CSGALNACT1: variants seen among roughly 807,000 people sequenced by gnomAD.
CSGALNACT1 encodes beta4GalNAcT-1.
In CSGALNACT1, 52 loss-of-function variants were observed where a neutral mutation model predicts 51.0. The ratio of observed to expected loss-of-function variants is 1.02; its 90% CI spans 0.82 to 1.29. The LOEUF (loss-of-function observed/expected upper bound fraction) is 1.29. CSGALNACT1 is among the 50% of genes most tolerant of loss of function. The pLI is 0.00. For missense variants in CSGALNACT1, 935 were observed against 679.2 expected (o/e 1.38, Z -4.19); for synonymous variants, 341 against 254.4 (o/e 1.34, Z -3.24).
intron 3 of CSGALNACT1, among the ~76,000 whole-genome samples, chr8:19,557,976 C>A (rs912642396): frequency 1.3e-5 from 2 of 152,256 alleles, no homozygotes; most frequent in Admixed American, 6.5e-5. Context: ...AAAATGAAAA[C>A]ATAAACAAGT....
intron 1 of CSGALNACT1, among the ~76,000 whole-genome samples, chr8:19,624,976 C>A (rs1304923550): frequency 6.6e-6 from 1 of 152,332 alleles, no homozygotes; most frequent in East Asian, 1.9e-4. Flanking sequence ...TGCACCCAGC[C>A]GGTTTCACCA....
At chr8:19,453,876 C>T (rs919545880) in intron 5 of CSGALNACT1, among the ~76,000 whole-genome samples, 3 of 145,488 alleles carry the variant, frequency 2.1e-5, no homozygotes, top group Admixed American at 1.4e-4. Context: ...TGTGCCACTG[C>T]ACTCCAGCCT....
intron 3 of CSGALNACT1, among the ~76,000 whole-genome samples, chr8:19,559,217 A>C (rs372935860): frequency 6.6e-6 from 1 of 152,206 alleles, no homozygotes; most frequent in Admixed American, 6.5e-5. Context: ...CCAGTAATAT[A>C]TATCATGACC....
At chr8:19,516,359 T>C (rs896135307) in intron 3 of CSGALNACT1, among the ~76,000 whole-genome samples, 1 of 152,150 alleles carries the variant, frequency 6.6e-6, no homozygotes, top group Non-Finnish European at 1.5e-5. Flanking sequence ...CCCACTACGC[T>C]ATACTGTTCA....
intron 1 of CSGALNACT1, among the ~76,000 whole-genome samples, chr8:19,738,568 T>C (rs1323615882): frequency 6.6e-6 from 1 of 152,136 alleles, no homozygotes; most frequent in Non-Finnish European, 1.5e-5. Flanking sequence ...GATGGTTACA[T>C]AACAACATGA....
intron 1 of CSGALNACT1, among the ~76,000 whole-genome samples, chr8:19,622,305 G>C (rs967520810): frequency 6.6e-6 from 1 of 152,132 alleles, no homozygotes; most frequent in Non-Finnish European, 1.5e-5. Context: ...GTAATTCCAA[G>C]CACTATCTTT....
intron 1 of CSGALNACT1, among the ~76,000 whole-genome samples, chr8:19,740,962 T>C (rs1449031738): frequency 1.3e-5 from 2 of 152,124 alleles, no homozygotes; most frequent in African/African-American, 4.8e-5. Flanking sequence ...CAAGATAATA[T>C]CTAAACTCCA....
intron 3 of CSGALNACT1, among the ~76,000 whole-genome samples, chr8:19,508,247 G>A (rs2077757249): frequency 6.6e-6 from 1 of 152,184 alleles, no homozygotes; most frequent in African/African-American, 2.4e-5. Context: ...ATATTCACTT[G>A]CTATGCACTA....
chr8:19,494,327 C>A lies in CSGALNACT1; in HGVS notation c.634+10874G>T, dbSNP rs200753929. Among the ~76,000 whole-genome samples, 15 of 152,260 alleles carry A rather than the reference C, an allele frequency of 9.9e-5. No individual in the cohort carries two copies. In the East Asian group the frequency reaches 2.9e-3, roughly 29 times the overall value. On this transcript the variant is annotated intron_variant, in intron 4 of 9. Transcript: ENST00000454498. The stretch of plus-strand genomic sequence containing the variant: ...CTCCACAACACACACACATCTTTGG[C>A]CTACACCAATTCTACACATCTTGCA...
chr8:19,531,046 G>T (rs533836745), intron 3 of CSGALNACT1, among the ~76,000 whole-genome samples: 1 of 151,706 alleles, frequency 6.6e-6, no homozygotes, highest in Non-Finnish European at 1.5e-5. Context: ...TGAACCCGTG[G>T]TTTCTTGCTA....
Position 19,699,582 on chromosome 8 carries a change from G to C in CSGALNACT1, c.-297+58268C>G, listed in dbSNP as rs528008842. Among the ~76,000 whole-genome samples, 12 of 152,330 alleles carry C rather than the reference G, an allele frequency of 7.9e-5. No homozygotes were observed. The East Asian group carries it at 2.3e-3, about 29-fold the overall frequency. On this transcript the variant is annotated intron_variant, in intron 1 of 1. Coordinates refer to the CSGALNACT1 transcript ENST00000517494. ...ATGTTACTCACATGAGGTCCCTGAA[G>C]TAGTCAGGTCCATTGAGCTAGAAAG...
intron 3 of CSGALNACT1, among the ~76,000 whole-genome samples, chr8:19,554,387 G>T (rs62493895): frequency 4.6e-5 from 7 of 152,086 alleles, no homozygotes; most frequent in African/African-American, 1.7e-4. Flanking sequence ...GACGGTGAGA[G>T]GAGCTACAGG....
chr8:19,467,109 ACTTT>A (rs2066875046), intron 4 of CSGALNACT1, among the ~76,000 whole-genome samples: 1 of 105,412 alleles, frequency 9.5e-6, no homozygotes, highest in Non-Finnish European at 1.8e-5. Context: ...CTAGCAGCTG[ACTTT>A]TTTTTTTTTT....
intron 6 of CSGALNACT1, among the ~76,000 whole-genome samples, chr8:19,430,802 G>A (rs936075904): frequency 2.0e-5 from 3 of 152,112 alleles, no homozygotes; most frequent in South Asian, 2.1e-4. Flanking sequence ...GTCATTTGAA[G>A]AATATTAATG....
intron 1 of CSGALNACT1, among the ~76,000 whole-genome samples, chr8:19,693,182 G>A (rs2061416824): frequency 6.6e-6 from 1 of 152,152 alleles, no homozygotes; most frequent in South Asian, 2.1e-4. Flanking sequence ...GTGGAAGACT[G>A]GAGGACCAGA....
chr8:19,578,947 C>T (rs1023237118), intron 3 of CSGALNACT1, among the ~76,000 whole-genome samples: 1 of 152,182 alleles, frequency 6.6e-6, no homozygotes, highest in Admixed American at 6.5e-5. Flanking sequence ...CCACGCTGGT[C>T]TCAAACTCCT....
rs112391147 is a variant in CSGALNACT1 at position 19,449,106 on chromosome 8, A to G, written c.852-9175T>C. ...GTGAATTTTGACTCTCAATCAAGCAATTGGGACCTATTTTCCTGACTGTCC... is the reference window on the plus strand; with the variant it reads ...GTGAATTTTGACTCTCAATCAAGCAGTTGGGACCTATTTTCCTGACTGTCC... On this transcript the variant is annotated intron_variant, in intron 5 of 9. Coordinates refer to ENST00000454498, the Ensembl canonical transcript of CSGALNACT1. Among the ~76,000 whole-genome samples the G allele has an allele frequency of 4.0e-3, 607 of 152,252 alleles. 3 individuals carry two copies. Among genetic ancestry groups the G allele is most frequent in the African/African-American group, 0.014 (588 of 41,536 alleles).
In CSGALNACT1 at chr8:19,427,961, G is replaced by A. The variant is rs189810644; in HGVS notation, c.954-7443C>T. Among the ~76,000 whole-genome samples, 274 of 152,160 alleles carry A rather than the reference G, an allele frequency of 1.8e-3. 1 individual carries two copies. The highest frequency in any genetic ancestry group is 2.3e-3 in the Non-Finnish European group (154 of 68,008). ...CCCAGGTGAGGGAAGCAGTCTCATC[G>A]TAGGTGTAGGATAAGACACATAAAG... On this transcript the variant is annotated intron_variant, in intron 6 of 9. Transcript: ENST00000454498.
chr8:19,452,545 CAT>C (rs2063366922), intron 5 of CSGALNACT1, among the ~76,000 whole-genome samples: 1 of 152,076 alleles, frequency 6.6e-6, no homozygotes, highest in South Asian at 2.1e-4. Flanking sequence ...GAGCTGATGA[CAT>C]ATATGCATCT....
Sources: gnomAD v4.1 joint callset for allele counts (sites outside exome capture counted in the v4.1 genomes callset) on GRCh38, gnomAD v4.1.1 for gene constraint, MANE v1.5 for transcripts, NCBI Gene and HGNC (gene_info 2026-07-23, HGNC 2026-07-21) for gene names.